Variants in DCDC2 observed in about 807,000 individuals in gnomAD.
DCDC2 encodes the protein doublecortin domain-containing protein 2.
A neutral mutation model predicts 50.2 loss-of-function variants in DCDC2; 40 were observed. The observed-to-expected ratio is 0.80, with a 90% confidence interval of 0.62 to 1.04. The LOEUF (loss-of-function observed/expected upper bound fraction) is 1.04. DCDC2 is among the 50% of genes least tolerant of loss of function. DCDC2 has a pLI of 0.00. For synonymous variants in DCDC2, 234 were observed against 210.6 expected, an observed-to-expected ratio of 1.11 and a Z score of -0.96; for missense variants, 570 against 581.9, an observed-to-expected ratio of 0.98 and a Z score of 0.21.
chr6:24,359,188 T>TATATATATTTTATATA (rs1760585727), upstream of DCDC2, among the ~76,000 whole-genome samples: 7 of 62,526 alleles, frequency 1.1e-4, no homozygotes, highest in African/African-American at 4.3e-4. Context: ...TTTTATATAT[T>TATATATATTTTATATA]TTATATATTA....
the DCDC2 span, among the ~76,000 whole-genome samples, chr6:24,365,448 T>C: frequency 6.6e-6 from 1 of 152,054 alleles, no homozygotes; most frequent in Non-Finnish European, 1.5e-5. Context: ...CCTGGCACCA[T>C]GCCAATCTAA....
At chr6:24,309,353 A>C (rs907964569) in intron 2 of DCDC2, among the ~76,000 whole-genome samples, 5 of 152,096 alleles carry the variant, frequency 3.3e-5, no homozygotes, top group African/African-American at 1.2e-4. Flanking sequence ...AGTCCTAAAG[A>C]CTAGTTTAAA....
At chr6:24,174,911 T>C (rs1760869619) in intron 9 of DCDC2, 77 bp from the exon 10 acceptor site, 5 of 782,882 alleles carry the variant, frequency 6.4e-6, no homozygotes, top group Non-Finnish European at 9.9e-6. Context: ...AAGAAAAAAT[T>C]ACTCAAGATT....
At chr6:24,292,052 A>T (rs928391599) in intron 4 of DCDC2, among the ~76,000 whole-genome samples, 2 of 152,204 alleles carry the variant, frequency 1.3e-5, no homozygotes, top group African/African-American at 4.8e-5. Flanking sequence ...TCTTCCCAGA[A>T]TCGAGCAGTT....
chr6:24,380,449 C>G, the DCDC2 span, among the ~76,000 whole-genome samples: 1 of 152,006 alleles, frequency 6.6e-6, no homozygotes, highest in Non-Finnish European at 1.5e-5. Flanking sequence ...AAGCAAGTGG[C>G]GAATGAAGAA....
intron 8 of DCDC2, among the ~76,000 whole-genome samples, chr6:24,197,091 G>GGTTACCTGGCTTTA (rs150852400): frequency 0.026 from 4,003 of 152,222 alleles, 86 homozygotes; most frequent in African/African-American, 0.058. Context: ...ACCTGGCTTT[G>GGTTACCTGGCTTTA]GTTTCTTCAA....
chr6:24,358,110 G>A (rs1003264776), upstream of DCDC2: 2 of 604,462 alleles, frequency 3.3e-6, no homozygotes, highest in Non-Finnish European at 2.9e-6. Context: ...GCCTAGTGAG[G>A]GCAGGAGAGA....
intron 2 of DCDC2, among the ~76,000 whole-genome samples, chr6:24,313,458 T>C (rs1261063624): frequency 1.3e-5 from 2 of 152,214 alleles, no homozygotes; most frequent in Non-Finnish European, 2.9e-5. Context: ...CATACTTAGA[T>C]TTCACCATTG....
chr6:24,195,633 T>C (rs1761416409), intron 8 of DCDC2, among the ~76,000 whole-genome samples: 2 of 152,086 alleles, frequency 1.3e-5, no homozygotes, highest in Admixed American at 1.3e-4. Context: ...CATTACAAGA[T>C]AATTAGGAGC....
Position 24,207,766 on chromosome 6 carries a change from G to A in DCDC2, c.923-2664C>T, listed in dbSNP as rs189597765. Among the ~76,000 whole-genome samples, 432 of 152,106 alleles carry A rather than the reference G, an allele frequency of 2.8e-3. 3 individuals carry two copies. The highest frequency in any genetic ancestry group is 7.0e-3 in the African/African-American group (292 of 41,496). ...AGATGTAAGACAAAAGACAAGCCCCGGTTTAATCTCTTTCTCACACGTTGA... is the reference window on the plus strand; with the variant it reads ...AGATGTAAGACAAAAGACAAGCCCCAGTTTAATCTCTTTCTCACACGTTGA... On this transcript the variant is annotated intron_variant, in intron 7 of 9. Coordinates refer to ENST00000378454, the MANE Select transcript of DCDC2 (RefSeq NM_016356.5).
intron 2 of DCDC2, among the ~76,000 whole-genome samples, chr6:24,341,358 T>A (rs752893592): frequency 2.0e-5 from 3 of 152,180 alleles, no homozygotes; most frequent in Non-Finnish European, 2.9e-5. Flanking sequence ...TATGTAATCA[T>A]GGGATGACAT....
chr6:24,195,512 T>A (rs1162233241), intron 8 of DCDC2, among the ~76,000 whole-genome samples: 1 of 152,202 alleles, frequency 6.6e-6, no homozygotes, highest in Non-Finnish European at 1.5e-5. Context: ...ATTGTCTTTA[T>A]CATACTGGAC....
chr6:24,248,887 T>A (rs554274166), intron 7 of DCDC2, among the ~76,000 whole-genome samples: 36 of 152,356 alleles, frequency 2.4e-4, no homozygotes, highest in African/African-American at 8.7e-4. Context: ...TTTCACATTA[T>A]GCCAATTAAC....
chr6:24,351,776 G>A (rs752695532), intron 2 of DCDC2, among the ~76,000 whole-genome samples: 21 of 152,172 alleles, frequency 1.4e-4, no homozygotes, highest in Admixed American at 3.3e-4. Flanking sequence ...CAAATTAAAT[G>A]AACTGGAGTT....
intron 2 of DCDC2, among the ~76,000 whole-genome samples, chr6:24,343,312 G>T (rs1387515275): frequency 6.6e-6 from 1 of 152,064 alleles, no homozygotes; most frequent in African/African-American, 2.4e-5. Context: ...GCCTCCCAAA[G>T]TGCTGGGATT....
intron 7 of DCDC2, among the ~76,000 whole-genome samples, chr6:24,245,878 T>C (rs1214319581): frequency 3.3e-5 from 5 of 152,142 alleles, no homozygotes; most frequent in African/African-American, 7.2e-5. Context: ...ATGAAAAATA[T>C]TGTCATTGAA....
At chr6:24,375,334 C>T in the DCDC2 span, among the ~76,000 whole-genome samples, 7 of 152,182 alleles carry the variant, frequency 4.6e-5, no homozygotes, top group East Asian at 1.4e-3. Flanking sequence ...GGCCGGGTCA[C>T]TCATATGGGG....
chr6:24,220,869 C>A (rs2994543), intron 7 of DCDC2, among the ~76,000 whole-genome samples: 35 of 133,472 alleles, frequency 2.6e-4, no homozygotes, highest in Non-Finnish European at 9.1e-5. Flanking sequence ...AGACAGAGAG[C>A]AAGAGAGCGA....
chr6:24,380,574 C>T, the DCDC2 span, among the ~76,000 whole-genome samples: 36 of 152,284 alleles, frequency 2.4e-4, no homozygotes, highest in East Asian at 5.8e-3. Context: ...AACTCATTCA[C>T]CCTTTGATGT....
Sources: gnomAD v4.1 joint callset for allele counts (sites outside exome capture counted in the v4.1 genomes callset) on GRCh38, gnomAD v4.1.1 for gene constraint, MANE v1.5 for transcripts, NCBI Gene and HGNC (gene_info 2026-07-23, HGNC 2026-07-21) for gene names.